FOXK2: variants seen among roughly 807,000 people sequenced by gnomAD.
The protein encoded by FOXK2 is forkhead box protein K2.
Under a neutral mutation model 53.3 loss-of-function variants are expected in FOXK2, and 24 were observed. The ratio of observed to expected loss-of-function variants is 0.45; its 90% CI spans 0.33 to 0.63. The LOEUF (loss-of-function observed/expected upper bound fraction) is 0.63. Ranked by LOEUF, FOXK2 falls within the 30% of genes least tolerant of loss-of-function variation. The pLI, the probability that FOXK2 is intolerant of heterozygous loss-of-function variation, is 0.03. For missense variants in FOXK2, 952 were observed against 910.5 expected, an observed-to-expected ratio of 1.05 and a Z score of -0.59; for synonymous variants, 505 against 407.1, an observed-to-expected ratio of 1.24 and a Z score of -2.89.
intron 6 of FOXK2, among the ~76,000 whole-genome samples, chr17:82,584,853 A>T (rs1231966202): frequency 6.6e-6 from 1 of 152,236 alleles, no homozygotes; most frequent in Non-Finnish European, 1.5e-5. Context: ...CGCCCAGCCT[A>T]ACATGTCCAT....
At chr17:82,577,059 G>A (rs35003834) in intron 4 of FOXK2, 11,068 of 434,758 alleles carry the variant, frequency 0.025, 928 homozygotes, top group East Asian at 0.23. Flanking sequence ...CTACTCAGGA[G>A]GCTGAAGCAG....
chr17:82,550,217 A>C (rs1344161889), intron 1 of FOXK2, among the ~76,000 whole-genome samples: 1 of 151,772 alleles, frequency 6.6e-6, no homozygotes, highest in Non-Finnish European at 1.5e-5. Context: ...CACACACACA[A>C]AGAGCTTCTT....
At chr17:82,582,055 A>G (rs999517059) in intron 4 of FOXK2, among the ~76,000 whole-genome samples, 10 of 152,132 alleles carry the variant, frequency 6.6e-5, no homozygotes, top group African/African-American at 2.4e-4. Context: ...CTGGTTTACC[A>G]AATACTTTAT....
At chr17:82,531,989 C>T (rs562358027) in intron 1 of FOXK2, among the ~76,000 whole-genome samples, 5 of 151,816 alleles carry the variant, frequency 3.3e-5, no homozygotes, top group Admixed American at 1.3e-4. Context: ...TACAGGCTCA[C>T]GCCGCCACGC....
intron 1 of FOXK2, among the ~76,000 whole-genome samples, chr17:82,541,612 G>A (rs769670205): frequency 6.6e-6 from 1 of 152,100 alleles, no homozygotes; most frequent in Non-Finnish European, 1.5e-5. Flanking sequence ...ATTGATACTT[G>A]TGTGACAATC....
At chr17:82,530,458 AAAAAAAAAG>A (rs1276026086) in intron 1 of FOXK2, among the ~76,000 whole-genome samples, 12 of 144,586 alleles carry the variant, frequency 8.3e-5, no homozygotes, top group African/African-American at 2.8e-4. Context: ...AAAAAAAAAA[AAAAAAAAAG>A]AGAGAGAAAA....
At position 82,529,388 on chromosome 17, in the gene FOXK2, A is replaced by AT. The variant is rs767198244; in HGVS notation, c.419+9099dup. On this transcript the variant is annotated intron_variant, in intron 1 of 8. Transcript: ENST00000335255. The stretch of plus-strand genomic sequence containing the variant: ...CAGGCACGTGCCACCACGCCGGCTA[A>AT]TTTTTTTTTTTTTTTTTTCAAGATG... 9.7e-3 allele frequency among the ~76,000 whole-genome samples: 1,184 copies of AT among 122,030 alleles called. 7 individuals carry two copies. Among genetic ancestry groups the AT allele is most frequent in the Middle Eastern group, 0.041 (9 of 222 alleles). The allele number at this position is 122,030 out of a possible 152,430, so 80.1% of individuals were successfully genotyped here. A position where few individuals can be genotyped will look rare whatever the true frequency, so the allele number is the denominator to read the frequency against.
chr17:82,529,218 C>CTTTTTT (rs753569022), intron 1 of FOXK2, among the ~76,000 whole-genome samples: 2 of 90,478 alleles, frequency 2.2e-5, no homozygotes, highest in Non-Finnish European at 4.0e-5. Flanking sequence ...TTGAAAGCGC[C>CTTTTTT]TTTTTTTTTT....
chr17:82,533,431 A>G (rs2044490943), intron 1 of FOXK2, among the ~76,000 whole-genome samples: 1 of 152,064 alleles, frequency 6.6e-6, no homozygotes, highest in Non-Finnish European at 1.5e-5. Context: ...CAGAGGTTGT[A>G]GTGAGCCGAG....
At chr17:82,533,259 C>T (rs1296726097) in intron 1 of FOXK2, among the ~76,000 whole-genome samples, 4 of 151,970 alleles carry the variant, frequency 2.6e-5, no homozygotes, top group Non-Finnish European at 5.9e-5. Flanking sequence ...GGAGGCCAGG[C>T]GGGTGGATCA....
chr17:82,532,578 A>G (rs1016261502), intron 1 of FOXK2, among the ~76,000 whole-genome samples: 11 of 152,300 alleles, frequency 7.2e-5, no homozygotes, highest in African/African-American at 2.4e-4. Flanking sequence ...GTGCAGACAT[A>G]AAAAAATATT....
chr17:82,559,100 G>T (rs1386206011), intron 1 of FOXK2, among the ~76,000 whole-genome samples: 1 of 152,036 alleles, frequency 6.6e-6, no homozygotes, highest in Non-Finnish European at 1.5e-5. Flanking sequence ...CACCGTGTTG[G>T]TCAGGCTGGT....
chr17:82,590,034 A>G (rs1023270777), intron 8 of FOXK2, among the ~76,000 whole-genome samples: 1 of 151,486 alleles, frequency 6.6e-6, no homozygotes. Context: ...CAACACAGCG[A>G]GACTCCATCT....
intron 4 of FOXK2, among the ~76,000 whole-genome samples, chr17:82,573,304 C>T (rs1026942740): frequency 2.6e-5 from 4 of 151,984 alleles, no homozygotes; most frequent in Non-Finnish European, 5.9e-5. Flanking sequence ...CCCCTCTGGC[C>T]CACCTTGTGC....
At chr17:82,593,147 A>G (rs1215009102) in intron 8 of FOXK2, among the ~76,000 whole-genome samples, 44 of 79,664 alleles carry the variant, frequency 5.5e-4, no homozygotes, top group East Asian at 1.1e-3. Flanking sequence ...GTCTCCCTGC[A>G]CCGGGCACAG....
chr17:82,584,249 G>A (rs1254820116), intron 6 of FOXK2, 61 bp downstream of exon 6: 2 of 1,467,340 alleles, frequency 1.4e-6, no homozygotes, highest in Admixed American at 2.3e-5. Context: ...GGACGCCTGG[G>A]CTCCACAGAG....
intron 3 of FOXK2, 36 bp downstream of exon 3, chr17:82,568,237 G>C (rs779367225): frequency 5.9e-5 from 95 of 1,609,362 alleles, no homozygotes; most frequent in Non-Finnish European, 7.5e-5. Flanking sequence ...GCCCCTGGGG[G>C]ACAGTGTGTA....
chr17:82,575,405 G>A (rs879212501), intron 4 of FOXK2, among the ~76,000 whole-genome samples: 3 of 152,102 alleles, frequency 2.0e-5, no homozygotes, highest in South Asian at 2.1e-4. Flanking sequence ...AGGAAGGAAC[G>A]CCATTGTAGA....
intron 8 of FOXK2, chr17:82,596,169 T>C: frequency 4.0e-6 from 4 of 1,009,068 alleles, no homozygotes; most frequent in Non-Finnish European, 4.7e-6. Flanking sequence ...TCACGGGGTT[T>C]GCCCAGCTCA....
Sources: gnomAD v4.1 joint callset for allele counts (sites outside exome capture counted in the v4.1 genomes callset) on GRCh38, gnomAD v4.1.1 for gene constraint, MANE v1.5 for transcripts, NCBI Gene and HGNC (gene_info 2026-07-23, HGNC 2026-07-21) for gene names.